The following RARB variants were observed in gnomAD, a reference collection of about 807,000 sequenced individuals.
The protein encoded by RARB is HBV-activated protein.
Under a neutral mutation model 51.9 loss-of-function variants are expected in RARB, and 17 were observed. The observed-to-expected ratio is 0.33, with a 90% CI of 0.22 to 0.49. The LOEUF (loss-of-function observed/expected upper bound fraction) is 0.49. Among genes scored for constraint, RARB ranks in the 20% least tolerant of loss-of-function variants. The pLI, the probability that RARB is intolerant of heterozygous loss-of-function variation, is 0.99. For synonymous variants in RARB, 215 were observed against 195.4 expected (o/e 1.10, Z -0.84); for missense variants, 369 against 550.8 (o/e 0.67, Z 3.30).
At chr3:25,102,819 A>G (rs1051460675) in intron 3 of RARB, among the ~76,000 whole-genome samples, 1 of 152,156 alleles carries the variant, frequency 6.6e-6, no homozygotes, top group Non-Finnish European at 1.5e-5. Context: ...TGGGAGTCTG[A>G]GGCAGGTGTA....
At position 25,330,581 on chromosome 3, in the gene RARB, A is replaced by G. The variant is rs745396721; in HGVS notation, c.179-130612A>G. On this transcript the variant is annotated intron_variant, in intron 5 of 11. Transcript: ENST00000383772. Reference sequence around the variant, plus strand: ...AACATGCCAAATTGTAAAGACTATCAATTCTAGGAAGAAACTGCATCAACT... The same window carrying G: ...AACATGCCAAATTGTAAAGACTATCGATTCTAGGAAGAAACTGCATCAACT... 6.6e-5 allele frequency among the ~76,000 whole-genome samples: 10 copies of G among 152,284 alleles called. No homozygotes were observed. The East Asian group carries it at 1.5e-3, about 23-fold the overall frequency.
At chr3:24,948,391 G>A (rs1695819604) in intron 2 of RARB, among the ~76,000 whole-genome samples, 2 of 152,310 alleles carry the variant, frequency 1.3e-5, no homozygotes, top group South Asian at 2.1e-4. Flanking sequence ...CCTGCAAGAG[G>A]TGGAAAGTGA....
chr3:25,187,793 T>C (rs1315370051), intron 5 of RARB, among the ~76,000 whole-genome samples: 1 of 152,112 alleles, frequency 6.6e-6, no homozygotes, highest in African/African-American at 2.4e-5. Flanking sequence ...ATTTTGAACT[T>C]AGTAAAAAGG....
At chr3:25,593,733 T>G (rs752338573) in intron 6 of RARB, 26 bp downstream of exon 6, 2 of 1,595,370 alleles carry the variant, frequency 1.3e-6, no homozygotes, top group African/African-American at 1.3e-5. Flanking sequence ...AAAAGCCTCA[T>G]GAAATTCCAT....
At chr3:25,189,940 C>G (rs1332683688) in intron 5 of RARB, among the ~76,000 whole-genome samples, 2 of 151,948 alleles carry the variant, frequency 1.3e-5, no homozygotes, top group Admixed American at 6.6e-5. Context: ...GTGTGATCCC[C>G]GGATAAACTC....
At chr3:25,069,689 A>G (rs1346324542) in intron 3 of RARB, among the ~76,000 whole-genome samples, 2 of 152,222 alleles carry the variant, frequency 1.3e-5, no homozygotes, top group African/African-American at 4.8e-5. Flanking sequence ...GGCATATGTC[A>G]AGAACATCTG....
At chr3:24,962,510 C>T (rs1473043075) in intron 2 of RARB, among the ~76,000 whole-genome samples, 1 of 152,178 alleles carries the variant, frequency 6.6e-6, no homozygotes, top group Non-Finnish European at 1.5e-5. Flanking sequence ...CCCCGGGCCA[C>T]AGACCGATAC....
chr3:25,554,104 T>C (rs1440083801), intron 3 of RARB, among the ~76,000 whole-genome samples: 1 of 150,908 alleles, frequency 6.6e-6, no homozygotes, highest in Non-Finnish European at 1.5e-5. Context: ...CTACAAATAC[T>C]GCAGGCCATG....
chr3:24,929,135 T>A (rs1695388712), intron 2 of RARB, among the ~76,000 whole-genome samples: 1 of 152,086 alleles, frequency 6.6e-6, no homozygotes, highest in Admixed American at 6.6e-5. Context: ...TTAACATTAT[T>A]TGAAAATAAT....
chr3:25,065,699 T>C (rs1052164982), intron 3 of RARB, among the ~76,000 whole-genome samples: 2 of 152,344 alleles, frequency 1.3e-5, no homozygotes, highest in Non-Finnish European at 1.5e-5. Context: ...TGACACTTCG[T>C]ACCATATCTG....
chr3:25,513,919 A>G (rs17590924), intron 3 of RARB, among the ~76,000 whole-genome samples: 7,310 of 152,242 alleles, frequency 0.048, 220 homozygotes, highest in Non-Finnish European at 0.071. Flanking sequence ...ATCTTGAGCT[A>G]TTTTTTATTC....
intron 2 of RARB, among the ~76,000 whole-genome samples, chr3:24,954,867 G>A (rs1695974338): frequency 1.3e-5 from 2 of 152,160 alleles, no homozygotes; most frequent in Admixed American, 1.3e-4. Flanking sequence ...TTGCAGGAGT[G>A]GGGAGCATGC....
At chr3:25,529,883 G>A (rs1235531340) in intron 3 of RARB, among the ~76,000 whole-genome samples, 9 of 151,938 alleles carry the variant, frequency 5.9e-5, no homozygotes, top group East Asian at 1.9e-4. Flanking sequence ...TTACAGCTAC[G>A]CAAGGTACTC....
At chr3:25,275,046 T>C (rs1703348687) in intron 5 of RARB, among the ~76,000 whole-genome samples, 1 of 152,336 alleles carries the variant, frequency 6.6e-6, no homozygotes, top group African/African-American at 2.4e-5. Context: ...TTAAAAAAGA[T>C]CTTCGTCTTC....
intron 3 of RARB, among the ~76,000 whole-genome samples, chr3:25,082,178 A>G (rs1699018901): frequency 6.6e-6 from 1 of 152,028 alleles, no homozygotes; most frequent in African/African-American, 2.4e-5. Flanking sequence ...TTTTGCTTTT[A>G]AAGAGTGTAG....
intron 2 of RARB, among the ~76,000 whole-genome samples, chr3:25,035,071 G>T (rs987796985): frequency 1.3e-5 from 2 of 152,282 alleles, no homozygotes; most frequent in Non-Finnish European, 2.9e-5. Context: ...TAATGAAAAA[G>T]CTGTTTCAAT....
At chr3:25,161,855 C>T (rs1700478091) in intron 4 of RARB, among the ~76,000 whole-genome samples, 1 of 152,148 alleles carries the variant, frequency 6.6e-6, no homozygotes. Context: ...ATGGTGAGGA[C>T]CACGACCTAA....
chr3:25,224,601 A>G (rs939374711), intron 5 of RARB, among the ~76,000 whole-genome samples: 2 of 152,166 alleles, frequency 1.3e-5, no homozygotes, highest in African/African-American at 4.8e-5. Context: ...AAATCTTAAT[A>G]GATTAATTTT....
intron 2 of RARB, among the ~76,000 whole-genome samples, chr3:24,881,988 T>A (rs764578455): frequency 1.1e-4 from 16 of 152,330 alleles, no homozygotes; most frequent in Middle Eastern, 6.8e-3. Context: ...ATGTGCCACA[T>A]GACTCAGCTA....
Sources: allele counts gnomAD v4.1 joint callset (sites outside exome capture counted in the v4.1 genomes callset), GRCh38; gene constraint gnomAD v4.1.1; transcripts MANE v1.5; gene names NCBI Gene and HGNC (gene_info 2026-07-23, HGNC 2026-07-21).